The following ADGRE1 variants were observed in gnomAD, a reference collection of about 807,000 sequenced individuals.
ADGRE1 encodes the protein EGF-like module receptor 1.
A neutral mutation model predicts 102.7 loss-of-function variants in ADGRE1; 82 were observed. The ratio of observed to expected loss-of-function variants is 0.80; its 90% CI spans 0.67 to 0.96. ADGRE1 has a LOEUF of 0.96. Ranked by LOEUF, ADGRE1 falls within the 40% of genes least tolerant of loss-of-function variation. The probability of loss-of-function intolerance (pLI) is 0.00; values close to 1 mark genes in which losing one functional copy is unlikely to be tolerated. For synonymous variants in ADGRE1, 398 were observed against 399.6 expected (o/e 1.00, Z 0.05); for missense variants, 1,032 against 1,085.3 (o/e 0.95, Z 0.69).
intron 10 of ADGRE1, 51 bp downstream of exon 10, chr19:6,908,823 A>G: frequency 7.1e-6 from 11 of 1,550,696 alleles, no homozygotes; most frequent in Non-Finnish European, 9.7e-6. Context: ...CATCTTGGGC[A>G]CACTTTGGGT....
chr19:6,914,915 G>A (rs1267562028), intron 11 of ADGRE1, among the ~76,000 whole-genome samples: 1 of 152,166 alleles, frequency 6.6e-6, no homozygotes, highest in Non-Finnish European at 1.5e-5. Flanking sequence ...AAGGAACAAT[G>A]AGGTGCACAG....
chr19:6,895,011 G>T (rs1973499891), intron 2 of ADGRE1: 1 of 152,222 alleles, frequency 6.6e-6, no homozygotes, highest in African/African-American at 2.4e-5. Context: ...AAACAATGCA[G>T]ATGTTTATTT....
intron 11 of ADGRE1, among the ~76,000 whole-genome samples, chr19:6,915,428 G>C (rs999612285): frequency 6.6e-6 from 1 of 152,164 alleles, no homozygotes; most frequent in Non-Finnish European, 1.5e-5. Context: ...TGAAGGGCCA[G>C]TGGGTTAGGT....
intron 18 of ADGRE1, among the ~76,000 whole-genome samples, chr19:6,936,888 G>T (rs1026885906): frequency 2.0e-5 from 3 of 152,142 alleles, no homozygotes; most frequent in African/African-American, 7.2e-5. Context: ...CTCCCAAAGT[G>T]CTGGGATTAC....
At chr19:6,904,687 T>A (rs372542496) in intron 8 of ADGRE1, among the ~76,000 whole-genome samples, 8 of 152,082 alleles carry the variant, frequency 5.3e-5, no homozygotes, top group African/African-American at 1.9e-4. Context: ...TTTGTATTTT[T>A]AGTAGAGACG....
chr19:6,928,959 T>C (rs1975033265), intron 17 of ADGRE1, among the ~76,000 whole-genome samples: 1 of 151,880 alleles, frequency 6.6e-6, no homozygotes, highest in African/African-American at 2.4e-5. Context: ...AAAAAAAAGT[T>C]CTCCCTTCCA....
chr19:6,925,279 C>T (rs1974851885), intron 15 of ADGRE1, among the ~76,000 whole-genome samples: 1 of 152,154 alleles, frequency 6.6e-6, no homozygotes, highest in Non-Finnish European at 1.5e-5. Context: ...AGACACTATG[C>T]CCGGCTAATT....
Position 6,940,287 on chromosome 19 carries a change from G to C in ADGRE1, c.*258G>C. On this transcript the variant is annotated 3_prime_UTR_variant, in exon 21 of 21. Transcript: ENST00000312053. ...TTCAATTCCAGAGTTTCTGAGAACA[G>C]ACCCAAATTCAATGGCATGACCAAG... The C allele has an allele frequency of 1.8e-6, 1 of 569,988 alleles. No homozygotes were observed. The allele number at this position is 569,988 out of a possible 1,614,324, so 35.3% of individuals were successfully genotyped here. A position where few individuals can be genotyped will look rare whatever the true frequency, so the allele number is the denominator to read the frequency against.
At chr19:6,921,235 A>G (rs1974653855) in intron 13 of ADGRE1, among the ~76,000 whole-genome samples, 1 of 152,228 alleles carries the variant, frequency 6.6e-6, no homozygotes, top group Admixed American at 6.5e-5. Context: ...TGGTCTGGCC[A>G]ACATGGTAAA....
rs904367612 is a variant in ADGRE1, at chr19:6,921,780, C to A, written c.1688C>A (p.Thr563Lys). The change falls in exon 14 of 21, where the codon ACA becomes AAA. Residue 563 changes from threonine (T) to lysine (K), a missense_variant. Transcript: ENST00000312053. ...ACTGATGTGAAGGGTGGAAGATGGACATCCTTTGGCTGTGTGATCCTGGAA... is the reference window on the plus strand; with the variant it reads ...ACTGATGTGAAGGGTGGAAGATGGAAATCCTTTGGCTGTGTGATCCTGGAA... ...WSTDVKGGRW[T>K]SFGCVILEAS... 6.2e-7 allele frequency: 1 copy of A among 1,613,868 alleles called. No individual in the cohort carries two copies. Among genetic ancestry groups the A allele is most frequent in the African/African-American group, 1.3e-5 (1 of 74,830 alleles).
At chr19:6,926,672 A>C in intron 16 of ADGRE1, 71 bp downstream of exon 16, 2 of 1,492,196 alleles carry the variant, frequency 1.3e-6, no homozygotes, top group Non-Finnish European at 1.9e-6. Context: ...ATGAGCAACA[A>C]GAAGAGTAAC....
At chr19:6,937,960 G>T (rs1343609021) in intron 20 of ADGRE1, among the ~76,000 whole-genome samples, 1 of 151,188 alleles carries the variant, frequency 6.6e-6, no homozygotes, top group South Asian at 2.1e-4. Context: ...TATATGTTAT[G>T]TTTATAAAAT....
At chr19:6,923,784 C>T (rs969612376) in intron 14 of ADGRE1, among the ~76,000 whole-genome samples, 8 of 151,832 alleles carry the variant, frequency 5.3e-5, no homozygotes, top group Non-Finnish European at 8.8e-5. Context: ...GTGATCCACC[C>T]GCCCCAGCCT....
chr19:6,894,814 G>T (rs1036118293), intron 2 of ADGRE1, among the ~76,000 whole-genome samples: 1 of 152,124 alleles, frequency 6.6e-6, no homozygotes, highest in African/African-American at 2.4e-5. Flanking sequence ...TAGCCAAGGT[G>T]GTGGGGTTAA....
chr19:6,924,332 T>C lies in ADGRE1; in HGVS notation c.1792-346T>C, dbSNP rs984869545. On this transcript the variant is annotated intron_variant, in intron 14 of 20. Coordinates refer to ENST00000312053, the MANE Select transcript of ADGRE1 (RefSeq NM_001974.5). ...ACTCCTGTCTGCCGAAAGCTGATAT[T>C]TGCCTCCCTTCTGCATTCCAAAACC... 1.8e-4 allele frequency among the ~76,000 whole-genome samples: 28 copies of C among 152,236 alleles called. No individual in the cohort carries two copies. The East Asian group carries it at 5.4e-3, about 29-fold the overall frequency.
intron 9 of ADGRE1, among the ~76,000 whole-genome samples, chr19:6,907,801 T>G (rs192434743): frequency 6.6e-6 from 1 of 152,356 alleles, no homozygotes; most frequent in Non-Finnish European, 1.5e-5. Context: ...TCTGGCTTCT[T>G]TCACTTAGCA....
chr19:6,919,056 T>A (rs965157689), intron 12 of ADGRE1, among the ~76,000 whole-genome samples: 1 of 150,910 alleles, frequency 6.6e-6, no homozygotes, highest in Non-Finnish European at 1.5e-5. Flanking sequence ...TGTTTTGAAA[T>A]GGAGTCTTGC....
At chr19:6,913,143 A>G (rs1974259397) in intron 10 of ADGRE1, among the ~76,000 whole-genome samples, 1 of 152,004 alleles carries the variant, frequency 6.6e-6, no homozygotes, top group South Asian at 2.1e-4. Flanking sequence ...TATGTTGTCC[A>G]GGCTGGTCTT....
chr19:6,899,763 G>A (rs1195966577), intron 5 of ADGRE1, among the ~76,000 whole-genome samples: 2 of 151,660 alleles, frequency 1.3e-5, no homozygotes, highest in Non-Finnish European at 2.9e-5. Context: ...ACTTCAGAAC[G>A]TTCCCCTAAA....
Sources: gnomAD v4.1 joint callset for allele counts (sites outside exome capture counted in the v4.1 genomes callset) on GRCh38, gnomAD v4.1.1 for gene constraint, MANE v1.5 for transcripts, NCBI Gene and HGNC (gene_info 2026-07-23, HGNC 2026-07-21) for gene names.